PRKAG2: variants seen among roughly 807,000 people sequenced by gnomAD.
The protein encoded by PRKAG2 is 5'-AMP-activated protein kinase subunit gamma-2.
Under a neutral mutation model 69.6 loss-of-function variants are expected in PRKAG2, and 26 were observed. That is an observed-to-expected ratio of 0.37 (90% CI 0.27 to 0.52). The LOEUF is 0.52. PRKAG2 is among the 20% of genes least tolerant of loss of function. The probability of loss-of-function intolerance (pLI) is 0.90; values close to 1 mark genes in which losing one functional copy is unlikely to be tolerated. For missense variants in PRKAG2, 557 were observed against 740.0 expected (o/e 0.75, Z 2.87); for synonymous variants, 293 against 285.0 (o/e 1.03, Z -0.28).
intron 14 of PRKAG2, among the ~76,000 whole-genome samples, chr7:151,563,232 T>C (rs570847305): frequency 3.3e-5 from 5 of 152,296 alleles, no homozygotes; most frequent in African/African-American, 1.2e-4. Context: ...CTGTTATTTT[T>C]TTGGTCCTTC....
chr7:151,850,285 T>C lies in PRKAG2; in HGVS notation c.114+26222A>G, dbSNP rs2079537448. ...ACAGTCCCCTCACCTAGAACGCTTCTTGAGTGTTTAATGGAAAGACGCCTG... is the reference window on the plus strand; with the variant it reads ...ACAGTCCCCTCACCTAGAACGCTTCCTGAGTGTTTAATGGAAAGACGCCTG... On this transcript the variant is annotated intron_variant, in intron 1 of 15. Coordinates refer to ENST00000287878, the MANE Select transcript of PRKAG2 (RefSeq NM_016203.4). The surrounding 1 kb of genome is among the most constrained non-coding windows in gnomAD (Gnocchi z 4.1). 6.6e-6 allele frequency among the ~76,000 whole-genome samples: 1 copy of C among 152,204 alleles called. No homozygotes were observed. The highest frequency in any genetic ancestry group is 1.5e-5 in the Non-Finnish European group (1 of 68,032).
intron 1 of PRKAG2, among the ~76,000 whole-genome samples, chr7:151,847,535 C>T (rs1313517462): frequency 1.3e-5 from 2 of 152,162 alleles, no homozygotes. Context: ...TGTGAAGCAC[C>T]CCACTGAGGC....
intron 1 of PRKAG2, among the ~76,000 whole-genome samples, chr7:151,869,614 C>T (rs188543651): frequency 2.6e-5 from 4 of 152,356 alleles, no homozygotes; most frequent in Middle Eastern, 3.4e-3. Flanking sequence ...GGTGTCCCTG[C>T]GCCCTCTGTG....
At chr7:151,628,940 G>A (rs1823706610) in intron 5 of PRKAG2, among the ~76,000 whole-genome samples, 1 of 152,174 alleles carries the variant, frequency 6.6e-6, no homozygotes, top group South Asian at 2.1e-4. Flanking sequence ...GACTTGAGCT[G>A]AGCCTTGAAG....
chr7:151,578,112 A>C (rs1393294406), intron 6 of PRKAG2, among the ~76,000 whole-genome samples: 1 of 152,018 alleles, frequency 6.6e-6, no homozygotes, highest in Non-Finnish European at 1.5e-5. Flanking sequence ...AGGCCCCCCG[A>C]GATGGGCAGA....
intron 1 of PRKAG2, among the ~76,000 whole-genome samples, chr7:151,870,520 A>G (rs927491360): frequency 2.0e-5 from 3 of 152,242 alleles, no homozygotes; most frequent in Non-Finnish European, 4.4e-5. Flanking sequence ...GTCAAAGCTG[A>G]CACGTCCACT....
At position 151,780,945 on chromosome 7, in the gene PRKAG2, C is replaced by A. The variant is rs2076635183; in HGVS notation, c.466+207G>T. Among the ~76,000 whole-genome samples the A allele has an allele frequency of 1.3e-5, 2 of 152,008 alleles. No homozygotes were observed. Among genetic ancestry groups the A allele is most frequent in the African/African-American group, 4.8e-5 (2 of 41,350 alleles). ...GAAGGATTACGCTTTGATAGATTAGCATGGGAAGAAAGTGACAGGTGGAAA... is the reference window on the plus strand; with the variant it reads ...GAAGGATTACGCTTTGATAGATTAGAATGGGAAGAAAGTGACAGGTGGAAA... On this transcript the variant is annotated intron_variant, in intron 3 of 15. Coordinates refer to ENST00000287878, the MANE Select transcript of PRKAG2 (RefSeq NM_016203.4). The surrounding 1 kb of genome is among the most constrained non-coding windows in gnomAD (Gnocchi z 4.2).
rs191998321 is a variant in PRKAG2, at chr7:151,763,189, G to A, written c.466+17963C>T. ...GGAAGTGCCACAGTAAGAATTAAGC[G>A]CCAGAATCTAAGCTGAGCCCCTAAA... is the stretch of plus-strand genomic sequence containing the variant. On this transcript the variant is annotated intron_variant, in intron 3 of 15. Transcript: ENST00000287878. 1.6e-3 allele frequency among the ~76,000 whole-genome samples: 248 copies of A among 152,350 alleles called. 2 individuals carry two copies. Among genetic ancestry groups the A allele is most frequent in the East Asian group, 7.7e-4 (4 of 5,184 alleles).
intron 1 of PRKAG2, among the ~76,000 whole-genome samples, chr7:151,846,486 T>A (rs1299397403): frequency 6.6e-6 from 1 of 151,986 alleles, no homozygotes; most frequent in Non-Finnish European, 1.5e-5. Context: ...AATAAAAAAA[T>A]AAAAATAAGC....
At position 151,603,160 on chromosome 7, in the gene PRKAG2, G is replaced by A. The variant is rs529892762; in HGVS notation, c.755-7706C>T. On this transcript the variant is annotated intron_variant, in intron 5 of 15. Coordinates refer to ENST00000287878, the MANE Select transcript of PRKAG2 (RefSeq NM_016203.4). ...CACCGCACACGGAGGGACACGCTCC[G>A]TCCTCACCGCACACGGAGGGACACG... Among the ~76,000 whole-genome samples, 114 of 139,020 alleles carry A rather than the reference G, an allele frequency of 8.2e-4. 2 individuals are homozygous for A. Among genetic ancestry groups the A allele is most frequent in the South Asian group, 5.6e-3 (23 of 4,124 alleles). The allele number at this position is 139,020 out of a possible 152,430, so 91.2% of individuals were successfully genotyped here. A position where few individuals can be genotyped will look rare whatever the true frequency, so the allele number is the denominator to read the frequency against.
intron 6 of PRKAG2, among the ~76,000 whole-genome samples, chr7:151,585,998 C>T (rs369471982): frequency 1.3e-5 from 2 of 152,200 alleles, no homozygotes; most frequent in Non-Finnish European, 2.9e-5. Context: ...CCTCCCCTGG[C>T]GGAGGAAGCT....
At chr7:151,695,914 A>G (rs1420673203) in intron 3 of PRKAG2, among the ~76,000 whole-genome samples, 2 of 152,174 alleles carry the variant, frequency 1.3e-5, no homozygotes, top group Admixed American at 1.3e-4. Context: ...TCCAGACCTC[A>G]GCACAGCAAG....
chr7:151,618,249 T>C (rs1820627510), intron 5 of PRKAG2, among the ~76,000 whole-genome samples: 1 of 151,806 alleles, frequency 6.6e-6, no homozygotes, highest in Non-Finnish European at 1.5e-5. Context: ...GGTCAGGAGT[T>C]CGAGATCAGC....
intron 3 of PRKAG2, among the ~76,000 whole-genome samples, chr7:151,774,153 G>A (rs768744635): frequency 4.6e-5 from 7 of 152,168 alleles, no homozygotes; most frequent in African/African-American, 9.7e-5. Flanking sequence ...ATGGTGGCTA[G>A]GAGTATGATG....
At chr7:151,581,640 A>G (rs1023810561) in intron 6 of PRKAG2, among the ~76,000 whole-genome samples, 1 of 152,232 alleles carries the variant, frequency 6.6e-6, no homozygotes, top group Non-Finnish European at 1.5e-5. Flanking sequence ...GAATATTTTG[A>G]TATTTTGATA....
In PRKAG2 at chr7:151,756,159, A is replaced by G. The variant is rs555168502; in HGVS notation, c.466+24993T>C. ...CCAAAGCAGGTCTCGCCTCTGCACC[A>G]TCGGTACAGTCCCACAGGCCCCTGT... On this transcript the variant is annotated intron_variant, in intron 3 of 15. Transcript: ENST00000287878. This position sits in a 1 kb window ranked among gnomAD's most constrained non-coding sequence, Gnocchi z 4.9. Among the ~76,000 whole-genome samples, 12 of 152,214 alleles carry G rather than the reference A, an allele frequency of 7.9e-5. No individual in the cohort carries two copies. Among genetic ancestry groups the G allele is most frequent in the African/African-American group, 2.9e-4 (12 of 41,524 alleles).
At chr7:151,566,868 G>A (rs187435259) in intron 11 of PRKAG2, among the ~76,000 whole-genome samples, 97 of 152,132 alleles carry the variant, frequency 6.4e-4, no homozygotes, top group African/African-American at 2.0e-3. Flanking sequence ...TAAAAATCAG[G>A]CTCTGAAATG....
intron 3 of PRKAG2, among the ~76,000 whole-genome samples, chr7:151,701,624 G>A (rs7786782): frequency 0.35 from 52,568 of 151,868 alleles, 9,649 homozygotes; most frequent in African/African-American, 0.44. Context: ...CGGGCAGATC[G>A]AGAGGTCAGG....
At chr7:151,584,703 G>A (rs1473075674) in intron 6 of PRKAG2, among the ~76,000 whole-genome samples, 2 of 152,034 alleles carry the variant, frequency 1.3e-5, no homozygotes, top group East Asian at 3.9e-4. Flanking sequence ...TCAAGACCCA[G>A]CTGGGCAACA....
Sources: gnomAD v4.1 joint callset for allele counts (sites outside exome capture counted in the v4.1 genomes callset) on GRCh38, gnomAD v4.1.1 for gene constraint, Gnocchi (gnomAD v3.1) non-coding constraint, MANE v1.5 for transcripts, NCBI Gene and HGNC (gene_info 2026-07-23, HGNC 2026-07-21) for gene names.